LRRTM4: variants seen among roughly 807,000 people sequenced by gnomAD.
The protein encoded by LRRTM4 is leucine rich repeat transmembrane neuronal 4, also known as leucine-rich repeat transmembrane neuronal protein 4.
LRRTM4 carries 25 observed loss-of-function variants against 47.6 expected under a neutral mutation model. That is an observed-to-expected ratio of 0.53 (90% CI 0.38 to 0.73). The LOEUF (loss-of-function observed/expected upper bound fraction) is 0.73, where lower values mean the gene tolerates loss of function less well. LRRTM4 is among the 30% of genes least tolerant of loss of function. LRRTM4 has a pLI of 0.00. For missense variants in LRRTM4, 638 were observed against 713.4 expected (o/e 0.89, Z 1.20); for synonymous variants, 311 against 269.5 (o/e 1.15, Z -1.51).
intron 3 of LRRTM4, among the ~76,000 whole-genome samples, chr2:76,873,161 C>A (rs966389242): frequency 9.2e-5 from 14 of 152,070 alleles, no homozygotes; most frequent in African/African-American, 3.4e-4. Context: ...ACACAAAAAT[C>A]TGTCTTTGTA....
chr2:77,213,473 A>AATATGT (rs1674352167), intron 3 of LRRTM4, among the ~76,000 whole-genome samples: 1 of 152,060 alleles, frequency 6.6e-6, no homozygotes, highest in Non-Finnish European at 1.5e-5. Context: ...AGTATACATA[A>AATATGT]ATATGTATAT....
At chr2:77,469,276 G>C (rs1231316038) in intron 3 of LRRTM4, among the ~76,000 whole-genome samples, 2 of 152,198 alleles carry the variant, frequency 1.3e-5, no homozygotes, top group Non-Finnish European at 2.9e-5. Context: ...AGGGGCAGTG[G>C]GCAACCGCAG....
intron 3 of LRRTM4, among the ~76,000 whole-genome samples, chr2:77,143,518 T>G (rs556642585): frequency 6.6e-5 from 10 of 152,190 alleles, no homozygotes; most frequent in Non-Finnish European, 1.5e-5. Flanking sequence ...TCTGTTTCAA[T>G]ATTGTGATCT....
At chr2:76,885,593 G>A (rs1439639968) in intron 3 of LRRTM4, among the ~76,000 whole-genome samples, 1 of 151,236 alleles carries the variant, frequency 6.6e-6, no homozygotes, top group Non-Finnish European at 1.5e-5. Context: ...CTCCTGAGTA[G>A]CTGGGACCGC....
At chr2:77,029,030 A>G (rs1207181274) in intron 3 of LRRTM4, among the ~76,000 whole-genome samples, 1 of 137,270 alleles carries the variant, frequency 7.3e-6, no homozygotes, top group Non-Finnish European at 1.6e-5. Flanking sequence ...GCGAGAGTCC[A>G]TCACACACAC....
At chr2:77,477,392 C>A (rs1216539051) in intron 3 of LRRTM4, among the ~76,000 whole-genome samples, 1 of 152,144 alleles carries the variant, frequency 6.6e-6, no homozygotes, top group African/African-American at 2.4e-5. Flanking sequence ...GTAAAGAGCT[C>A]ATTCTTCAGA....
chr2:76,816,988 G>T (rs1190940556), intron 3 of LRRTM4, among the ~76,000 whole-genome samples: 2 of 151,608 alleles, frequency 1.3e-5, no homozygotes, highest in Non-Finnish European at 2.9e-5. Context: ...TCCTGTAATT[G>T]TGCTCTGGGT....
intron 3 of LRRTM4, among the ~76,000 whole-genome samples, chr2:76,857,867 G>A (rs574106728): frequency 6.6e-6 from 1 of 152,208 alleles, no homozygotes; most frequent in South Asian, 2.1e-4. Flanking sequence ...TCCCAACAAT[G>A]AAGAAATACT....
At chr2:76,873,401 T>C (rs968591763) in intron 3 of LRRTM4, among the ~76,000 whole-genome samples, 5 of 150,838 alleles carry the variant, frequency 3.3e-5, no homozygotes, top group Non-Finnish European at 7.4e-5. Flanking sequence ...ATATAGTCTG[T>C]ATATGTATAT....
intron 3 of LRRTM4, among the ~76,000 whole-genome samples, chr2:77,479,051 T>C (rs2104011919): frequency 6.6e-6 from 1 of 152,164 alleles, no homozygotes; most frequent in African/African-American, 2.4e-5. Context: ...TGTGCCACCA[T>C]GCCTGGCTAA....
intron 3 of LRRTM4, among the ~76,000 whole-genome samples, chr2:76,923,798 T>A (rs943547569): frequency 1.3e-5 from 2 of 152,158 alleles, no homozygotes; most frequent in African/African-American, 4.8e-5. Flanking sequence ...GTATTTTATG[T>A]TTCTTTAGCT....
chr2:77,430,582 G>A (rs182266995), intron 3 of LRRTM4, among the ~76,000 whole-genome samples: 4,687 of 145,320 alleles, frequency 0.032, 341 homozygotes, highest in African/African-American at 0.12. Flanking sequence ...TTAGACGGGC[G>A]TGGTGGCACA....
chr2:77,412,107 C>T (rs1156303771), intron 3 of LRRTM4, among the ~76,000 whole-genome samples: 1 of 150,370 alleles, frequency 6.7e-6, no homozygotes, highest in African/African-American at 2.4e-5. Flanking sequence ...CTGAGTTCTA[C>T]CTTTGATTTG....
chr2:76,905,136 C>A (rs1673781564), intron 3 of LRRTM4, among the ~76,000 whole-genome samples: 1 of 152,150 alleles, frequency 6.6e-6, no homozygotes, highest in Admixed American at 6.5e-5. Flanking sequence ...TGGCCGGGTA[C>A]TCCTCTGAGA....
chr2:77,423,325 A>T (rs1031010), intron 3 of LRRTM4, among the ~76,000 whole-genome samples: 53,686 of 151,866 alleles, frequency 0.35, 9,600 homozygotes, highest in African/African-American at 0.37. Flanking sequence ...TCTCTTTGGA[A>T]TAATTCCCAA....
chr2:77,322,681 C>T lies in LRRTM4; in HGVS notation c.1551+195637G>A, dbSNP rs138429783. ...GCTTCACAGATCCAATATCAGTAAG[C>T]GATCCTCATCAAACAGATGCCAAAG... On this transcript the variant is annotated intron_variant, in intron 3 of 3. Coordinates refer to ENST00000409884, the MANE Select transcript of LRRTM4 (RefSeq NM_001134745.3). Among the ~76,000 whole-genome samples the T allele has an allele frequency of 4.2e-3, 641 of 151,284 alleles. 2 individuals are homozygous for T. Among genetic ancestry groups the T allele is most frequent in the African/African-American group, 0.014 (590 of 41,232 alleles).
At chr2:77,003,388 T>A (rs1326424078) in intron 3 of LRRTM4, among the ~76,000 whole-genome samples, 2 of 152,140 alleles carry the variant, frequency 1.3e-5, no homozygotes, top group African/African-American at 4.8e-5. Flanking sequence ...CCTTGAATTG[T>A]AATAATCCCC....
intron 3 of LRRTM4, among the ~76,000 whole-genome samples, chr2:77,107,030 A>G (rs1194398985): frequency 6.6e-6 from 1 of 152,108 alleles, no homozygotes. Context: ...TTTCTCAGCA[A>G]TTTTTGTAAG....
intron 3 of LRRTM4, among the ~76,000 whole-genome samples, chr2:77,158,158 T>C (rs1439716): frequency 0.043 from 6,553 of 152,226 alleles, 359 homozygotes; most frequent in African/African-American, 0.11. Flanking sequence ...GGCCAACTTC[T>C]CTCTCGAACT....
Sources: gnomAD v4.1 joint callset for allele counts (sites outside exome capture counted in the v4.1 genomes callset) on GRCh38, gnomAD v4.1.1 for gene constraint, MANE v1.5 for transcripts, NCBI Gene and HGNC (gene_info 2026-07-23, HGNC 2026-07-21) for gene names.